SAMMSON: variants seen among roughly 807,000 people sequenced by gnomAD.
SAMMSON encodes the protein survival associated mitochondrial melanoma specific oncogenic non-coding RNA, also known as long intergenic non-protein coding RNA 1212.
At chr3:70,350,146 A>G (rs1408898168) in intron 7 of SAMMSON, among the ~76,000 whole-genome samples, 1 of 152,206 alleles carries the variant, frequency 6.6e-6, no homozygotes, top group Non-Finnish European at 1.5e-5. Flanking sequence ...TTAAGTTAAA[A>G]ACAAATTCTG....
chr3:70,124,249 G>A (rs982174962), intron 4 of SAMMSON, among the ~76,000 whole-genome samples: 11 of 152,194 alleles, frequency 7.2e-5, no homozygotes, highest in Admixed American at 1.3e-4. Flanking sequence ...TAATGACTAT[G>A]TTTCTCTTCA....
chr3:70,416,318 T>C (rs557500918), intron 2 of SAMMSON, among the ~76,000 whole-genome samples: 1 of 152,336 alleles, frequency 6.6e-6, no homozygotes, highest in East Asian at 1.9e-4. Flanking sequence ...CCTTTTAAAC[T>C]GTATGTGAAT....
intron 6 of SAMMSON, among the ~76,000 whole-genome samples, chr3:70,277,828 G>T (rs1244418393): frequency 6.6e-6 from 1 of 152,076 alleles, no homozygotes; most frequent in African/African-American, 2.4e-5. Flanking sequence ...AGATCTATGT[G>T]CCAGGTACAG....
At chr3:70,100,057 C>T (rs1350308267) in intron 4 of SAMMSON, among the ~76,000 whole-genome samples, 1 of 152,170 alleles carries the variant, frequency 6.6e-6, no homozygotes, top group East Asian at 1.9e-4. Context: ...AAATGTTCAG[C>T]CAAGGCTCAG....
chr3:70,046,909 C>G (rs2067129045), intron 3 of SAMMSON, among the ~76,000 whole-genome samples: 1 of 152,102 alleles, frequency 6.6e-6, no homozygotes, highest in South Asian at 2.1e-4. Context: ...TTCTCTCCCT[C>G]TGACATCATC....
intron 4 of SAMMSON, among the ~76,000 whole-genome samples, chr3:70,137,171 TA>T (rs1168289777): frequency 6.6e-6 from 1 of 152,200 alleles, no homozygotes; most frequent in Non-Finnish European, 1.5e-5. Context: ...GGTAAACATA[TA>T]AATATAGTAA....
chr3:70,069,572 CAAG>C (rs1212670519), intron 3 of SAMMSON: 1 of 152,108 alleles, frequency 6.6e-6, no homozygotes, highest in Non-Finnish European at 1.5e-5. Flanking sequence ...ACACAGTTAA[CAAG>C]AAGAGGGACA....
At chr3:70,242,050 A>G (rs2106642229) in intron 4 of SAMMSON, among the ~76,000 whole-genome samples, 1 of 152,292 alleles carries the variant, frequency 6.6e-6, no homozygotes, top group African/African-American at 2.4e-5. Context: ...GATGCCAGAA[A>G]GACTAGAGAC....
At chr3:70,418,634 T>C (rs1394465768) in intron 2 of SAMMSON, among the ~76,000 whole-genome samples, 4 of 152,194 alleles carry the variant, frequency 2.6e-5, no homozygotes, top group Non-Finnish European at 5.9e-5. Context: ...TCTGTCACCC[T>C]CAGGAGATGG....
intron 4 of SAMMSON, among the ~76,000 whole-genome samples, chr3:70,232,083 G>A (rs1701564791): frequency 6.6e-6 from 1 of 152,170 alleles, no homozygotes; most frequent in Admixed American, 6.5e-5. Flanking sequence ...ACTGGGAGAT[G>A]TGCTTTCCAA....
At chr3:70,367,413 A>G (rs1702931009) in intron 9 of SAMMSON, among the ~76,000 whole-genome samples, 1 of 151,482 alleles carries the variant, frequency 6.6e-6, no homozygotes, top group Non-Finnish European at 1.5e-5. Flanking sequence ...TTAATTGAAA[A>G]CATCAACTTA....
intron 2 of SAMMSON, among the ~76,000 whole-genome samples, chr3:70,408,126 C>G (rs1701190880): frequency 6.6e-6 from 1 of 152,324 alleles, no homozygotes; most frequent in East Asian, 1.9e-4. Context: ...CACCAAGTCC[C>G]TAGGCTGCAC....
intron 4 of SAMMSON, among the ~76,000 whole-genome samples, chr3:70,077,463 T>A (rs2067251939): frequency 6.6e-6 from 1 of 152,094 alleles, no homozygotes. Context: ...TCCTTGGGAA[T>A]AAAGAGGAGG....
At chr3:70,317,174 T>C (rs112289994) in intron 7 of SAMMSON, among the ~76,000 whole-genome samples, 18 of 152,178 alleles carry the variant, frequency 1.2e-4, no homozygotes, top group African/African-American at 3.8e-4. Flanking sequence ...ACACATGTTA[T>C]AATCCCGCAA....
chr3:70,094,408 C>G (rs1297038893), intron 4 of SAMMSON, among the ~76,000 whole-genome samples: 1 of 152,166 alleles, frequency 6.6e-6, no homozygotes, highest in African/African-American at 2.4e-5. Flanking sequence ...CCACTAAATA[C>G]CTTTGATGAC....
intron 3 of SAMMSON, among the ~76,000 whole-genome samples, chr3:70,051,913 C>T (rs774150504): frequency 1.5e-4 from 23 of 151,960 alleles, no homozygotes; most frequent in Non-Finnish European, 2.8e-4. Context: ...GGCTGGGCAA[C>T]GTGGAGAGAC....
intron 2 of SAMMSON, among the ~76,000 whole-genome samples, chr3:70,399,975 G>A (rs575345826): frequency 6.7e-6 from 1 of 148,722 alleles, no homozygotes; most frequent in African/African-American, 2.6e-5. Flanking sequence ...TCTAATATGG[G>A]GTAGATTTTT....
At chr3:70,106,450 C>A (rs1022976227) in intron 4 of SAMMSON, among the ~76,000 whole-genome samples, 3 of 151,730 alleles carry the variant, frequency 2.0e-5, no homozygotes, top group African/African-American at 4.8e-5. Flanking sequence ...AAGCAATCCT[C>A]ACACCCCAGC....
chr3:70,206,837 C>T (rs115333519), intron 4 of SAMMSON: 49 of 396,778 alleles, frequency 1.2e-4, no homozygotes, highest in East Asian at 1.1e-3. Flanking sequence ...CTATGGTTTA[C>T]GTGACCTAGT....
Sources: allele counts gnomAD v4.1 joint callset (sites outside exome capture counted in the v4.1 genomes callset), GRCh38; gene constraint gnomAD v4.1.1; transcripts MANE v1.5; gene names NCBI Gene and HGNC (gene_info 2026-07-23, HGNC 2026-07-21).